Variants in IL36G observed in about 807,000 individuals in gnomAD.
IL36G encodes the protein interleukin 36 gamma.
A neutral mutation model predicts 13.5 loss-of-function variants in IL36G; 10 were observed. That is an observed-to-expected ratio of 0.74 (90% CI 0.46 to 1.26). IL36G has a LOEUF of 1.26. Ranked by LOEUF, IL36G falls within the 50% of genes most tolerant of loss-of-function variation. IL36G has a pLI of 0.00. For synonymous variants in IL36G, 84 were observed against 74.0 expected (o/e 1.13, Z -0.69); for missense variants, 199 against 203.0 (o/e 0.98, Z 0.12).
rs1285842779 is a variant in IL36G at position 112,985,174 on chromosome 2, C to G, written c.*125C>G. ...GAGACAGGGGCAAGGCTGCTGTTAT[C>G]ATCTCATTTTATAATGAAGAAGAAG... is the stretch of plus-strand genomic sequence containing the variant. On this transcript the variant is annotated 3_prime_UTR_variant, in exon 5 of 5. Transcript: ENST00000259205. 42 of 649,892 alleles carry G rather than the reference C, an allele frequency of 6.5e-5. No individual in the cohort carries two copies. The Admixed American group carries it at 1.1e-3, about 17-fold the overall frequency. 40.3% of individuals were successfully genotyped at this position (649,892 alleles called of 1,614,324 possible).
chr2:112,984,649 G>T (rs925590795), intron 4 of IL36G, among the ~76,000 whole-genome samples, 191 bp from the exon 5 acceptor site: 2 of 152,158 alleles, frequency 1.3e-5, no homozygotes, highest in African/African-American at 4.8e-5. Flanking sequence ...TTGAGGGTGG[G>T]GGCTTGGAAG....
rs915028676 is a variant in IL36G, at chr2:112,980,230, A to T, written c.300+82A>T. 11 of 1,150,232 alleles carry T rather than the reference A, an allele frequency of 9.6e-6. No homozygotes were observed. In the Admixed American group the frequency reaches 1.9e-4, roughly 20 times the overall value. 71.3% of individuals were successfully genotyped at this position (1,150,232 alleles called of 1,614,324 possible). On this transcript the variant is annotated intron_variant, in intron 4 of 4. Coordinates refer to ENST00000259205, the MANE Select transcript of IL36G (RefSeq NM_019618.4). ...ATACCTAATTTTAGAATTAAAAAAG[A>T]AATAGTCTCATCTTCCTAAGCATAT... is the stretch of plus-strand genomic sequence containing the variant.
In IL36G at chr2:112,981,028, G is replaced by A. The variant is rs1684252438; in HGVS notation, c.300+880G>A. ...CCCTTCCCCTAAAAACAACAATGAA[G>A]TGTTCTGGGTGCTAACAACATAGCT... is the stretch of plus-strand genomic sequence containing the variant. On this transcript the variant is annotated intron_variant, in intron 4 of 4. Coordinates refer to ENST00000259205, the MANE Select transcript of IL36G (RefSeq NM_019618.4). 3 of 603,710 alleles carry A rather than the reference G, an allele frequency of 5.0e-6. No individual in the cohort carries two copies. In the African/African-American group the frequency reaches 5.6e-5, roughly 11 times the overall value. The allele number at this position is 603,710 out of a possible 1,614,324, so 37.4% of individuals were successfully genotyped here.
intron 4 of IL36G, among the ~76,000 whole-genome samples, chr2:112,982,286 GGT>G (rs1684277859): frequency 6.6e-6 from 1 of 152,214 alleles, no homozygotes; most frequent in Non-Finnish European, 1.5e-5. Flanking sequence ...TTAGTTAGCA[GGT>G]GTCTAGTGAG....
intron 3 of IL36G, 88 bp from the exon 4 acceptor site, chr2:112,979,921 A>G: frequency 3.0e-6 from 4 of 1,332,620 alleles, no homozygotes; most frequent in Non-Finnish European, 4.2e-6. Flanking sequence ...TCTCTTCCAG[A>G]TCCACTTGAG....
At chr2:112,981,949 T>C (rs1194233173) in intron 4 of IL36G, among the ~76,000 whole-genome samples, 1 of 152,238 alleles carries the variant, frequency 6.6e-6, no homozygotes, top group Non-Finnish European at 1.5e-5. Context: ...TCCAATTCAA[T>C]TAAGCGCATG....
In IL36G at chr2:112,985,256, G is replaced by C; in HGVS notation, c.*207G>C. The C allele has an allele frequency of 1.8e-6, 1 of 555,070 alleles. No individual in the cohort carries two copies. The allele number at this position is 555,070 out of a possible 1,614,324, so 34.4% of individuals were successfully genotyped here. A position where few individuals can be genotyped will look rare whatever the true frequency, so the allele number is the denominator to read the frequency against. On this transcript the variant is annotated 3_prime_UTR_variant, in exon 5 of 5. Coordinates refer to ENST00000259205, the MANE Select transcript of IL36G (RefSeq NM_019618.4). ...GTGGCCTCAGAAGCAGGAGAGCTGG[G>C]TGGTATAAGGCTGTCCTCTCAAGCT...
chr2:112,981,207 T>C, intron 4 of IL36G: 1 of 1,279,320 alleles, frequency 7.8e-7, no homozygotes, highest in African/African-American at 1.5e-5. Context: ...GCCTTCCCTG[T>C]TTTGGCATCT....
At chr2:112,979,184 T>C in intron 2 of IL36G, 37 bp from the exon 3 acceptor site, 2 of 1,316,964 alleles carry the variant, frequency 1.5e-6, no homozygotes, top group Non-Finnish European at 2.2e-6. Context: ...GCCTTGATTA[T>C]AATATTTCTT....
Position 112,985,135 on chromosome 2 carries a change from T to C in IL36G, c.*86T>C. Reference sequence around the variant, plus strand: ...TCGTCTACATTTTCTTAGTGTCATTTTCACGCTGGTGCTGAGACAGGGGCA... The same window carrying C: ...TCGTCTACATTTTCTTAGTGTCATTCTCACGCTGGTGCTGAGACAGGGGCA... On this transcript the variant is annotated 3_prime_UTR_variant, in exon 5 of 5. Coordinates refer to ENST00000259205, the MANE Select transcript of IL36G (RefSeq NM_019618.4). The C allele has an allele frequency of 6.6e-6, 6 of 908,040 alleles. No individual in the cohort carries two copies. In the South Asian group the frequency reaches 9.6e-5, roughly 15 times the overall value. 56.2% of individuals were successfully genotyped at this position (908,040 alleles called of 1,614,324 possible).
chr2:112,981,273 CT>C, intron 4 of IL36G: 2 of 1,365,144 alleles, frequency 1.5e-6, no homozygotes, highest in Non-Finnish European at 2.1e-6. Context: ...CCCTTTTTCC[CT>C]TTGGGTACCT....
intron 4 of IL36G, among the ~76,000 whole-genome samples, chr2:112,984,375 T>C (rs1684315810): frequency 6.6e-6 from 1 of 152,226 alleles, no homozygotes; most frequent in Non-Finnish European, 1.5e-5. Context: ...TTGGGTCTTT[T>C]TCATTGGTAT....
At position 112,980,027 on chromosome 2, in the gene IL36G, C is replaced by A; in HGVS notation, c.179C>A (p.Thr60Lys). 6.2e-7 allele frequency: 1 copy of A among 1,612,980 alleles called. No individual in the cohort carries two copies. Among genetic ancestry groups the A allele is most frequent in the Non-Finnish European group, 8.5e-7 (1 of 1,179,272 alleles). The change falls in exon 4 of 5, where the codon ACA becomes AAA. Residue 60 changes from threonine to lysine, a missense_variant. Coordinates refer to ENST00000259205, the MANE Select transcript of IL36G (RefSeq NM_019618.4). ...SVTPVTVAVI[T>K]CKYPEALEQG... ...TTTACAGTCACTGTTGCTGTTATCACATGCAAGTATCCAGAGGCTCTTGAG... is the reference window on the plus strand; with the variant it reads ...TTTACAGTCACTGTTGCTGTTATCAAATGCAAGTATCCAGAGGCTCTTGAG...
At chr2:112,981,830 C>G (rs1280213871) in intron 4 of IL36G, among the ~76,000 whole-genome samples, 1 of 152,170 alleles carries the variant, frequency 6.6e-6, no homozygotes, top group Non-Finnish European at 1.5e-5. Context: ...AAATTTCAAT[C>G]TTTACTCTTT....
intron 4 of IL36G, chr2:112,981,320 G>T (rs1214676994): frequency 1.1e-6 from 1 of 930,174 alleles, no homozygotes; most frequent in Non-Finnish European, 1.8e-6. Context: ...TTTAGGCTTG[G>T]CCTCTGGATT....
At chr2:112,978,505 G>A (rs562760647) in intron 1 of IL36G, 115 bp from the exon 2 acceptor site, 39 of 789,580 alleles carry the variant, frequency 4.9e-5, no homozygotes, top group Middle Eastern at 4.6e-4. Flanking sequence ...CCAGAGCTTC[G>A]TGTCAGGCCA....
chr2:112,980,016 T>C lies in IL36G; in HGVS notation c.168T>C (p.Val56=), dbSNP rs2105011495. 1.2e-6 allele frequency: 2 copies of C among 1,613,082 alleles called. No individual in the cohort carries two copies. Among genetic ancestry groups the C allele is most frequent in the Non-Finnish European group, 8.5e-7 (1 of 1,179,714 alleles). ...CTCCTCTTATCTTTACAGTCACTGT[T>C]GCTGTTATCACATGCAAGTATCCAG... ...PRSDSVTPVT[V]AVITCKYPEA... is the part of the protein sequence containing the mutation. Residue 56 remains valine, a synonymous_variant, in exon 4 of 5, where the codon GTT becomes GTC. Coordinates refer to ENST00000259205, the MANE Select transcript of IL36G (RefSeq NM_019618.4).
rs1450660820 is a variant in IL36G, at chr2:112,985,369, A to C, written c.*320A>C. ...AGCTTTCTTCTAGGGGTGGGTATGA[A>C]GATGCTTCAGAGCTCATGCGCGTTA... On this transcript the variant is annotated 3_prime_UTR_variant, in exon 5 of 5. Transcript: ENST00000259205. The C allele has an allele frequency of 3.6e-5, 11 of 309,738 alleles. No homozygotes were observed. The East Asian group carries it at 7.4e-4, about 21-fold the overall frequency. 19.2% of individuals were successfully genotyped at this position (309,738 alleles called of 1,614,324 possible).
Position 112,985,187 on chromosome 2 carries a change from A to G in IL36G, c.*138A>G. ...GGCTGCTGTTATCATCTCATTTTAT[A>G]ATGAAGAAGAAGCAATTACTTCATA... On this transcript the variant is annotated 3_prime_UTR_variant, in exon 5 of 5. Coordinates refer to ENST00000259205, the MANE Select transcript of IL36G (RefSeq NM_019618.4). The G allele has an allele frequency of 1.6e-6, 1 of 632,868 alleles. No individual in the cohort carries two copies. Among genetic ancestry groups the G allele is most frequent in the Non-Finnish European group, 2.7e-6 (1 of 365,564 alleles). The allele number at this position is 632,868 out of a possible 1,614,324, so 39.2% of individuals were successfully genotyped here.
Sources: allele counts gnomAD v4.1 joint callset (sites outside exome capture counted in the v4.1 genomes callset), GRCh38; gene constraint gnomAD v4.1.1; transcripts MANE v1.5; gene names NCBI Gene and HGNC (gene_info 2026-07-23, HGNC 2026-07-21).